Variants in PRIM2 observed in about 807,000 individuals in gnomAD.
PRIM2 encodes the protein DNA primase large subunit.
Under a neutral mutation model 67.3 loss-of-function variants are expected in PRIM2, and 39 were observed. The observed-to-expected ratio is 0.58, with a 90% CI of 0.45 to 0.76. PRIM2 has a LOEUF of 0.76. Ranked by LOEUF, PRIM2 falls within the 30% of genes least tolerant of loss-of-function variation. The probability of loss-of-function intolerance (pLI) is 0.00; values close to 1 mark genes in which losing one functional copy is unlikely to be tolerated. For synonymous variants in PRIM2, 143 were observed against 198.7 expected (o/e 0.72, Z 2.36); for missense variants, 398 against 598.7 (o/e 0.66, Z 3.50).
chr6:57,355,204 TGA>T (rs1373115053), intron 5 of PRIM2, among the ~76,000 whole-genome samples: 3 of 150,982 alleles, frequency 2.0e-5, no homozygotes, highest in Non-Finnish European at 4.4e-5. Flanking sequence ...CTCGGGAGGC[TGA>T]GGCAAGAGAA....
chr6:57,475,318 C>T (rs2127403467), intron 7 of PRIM2, among the ~76,000 whole-genome samples: 2 of 152,280 alleles, frequency 1.3e-5, no homozygotes, highest in East Asian at 3.9e-4. Context: ...AAAACATTTT[C>T]ATCATCCCCA....
At chr6:57,392,832 A>G (rs1323435057) in intron 7 of PRIM2, among the ~76,000 whole-genome samples, 6 of 152,036 alleles carry the variant, frequency 3.9e-5, no homozygotes, top group African/African-American at 2.4e-5. Flanking sequence ...TGTCCATTGT[A>G]TCATTCTTAT....
At chr6:57,578,862 G>A (rs1201115200) in intron 10 of PRIM2, among the ~76,000 whole-genome samples, 2 of 151,508 alleles carry the variant, frequency 1.3e-5, no homozygotes, top group East Asian at 3.9e-4. Context: ...ATTTTTAGTA[G>A]AGACGGGGTT....
chr6:57,532,523 G>A, intron 9 of PRIM2, 40 bp downstream of exon 9: 1 of 987,412 alleles, frequency 1.0e-6, no homozygotes, highest in Non-Finnish European at 1.5e-6. Flanking sequence ...CTTTATCAAT[G>A]GAGGGAACAT....
intron 4 of PRIM2, among the ~76,000 whole-genome samples, chr6:57,325,403 T>TGATC (rs1767814561): frequency 6.6e-6 from 1 of 150,966 alleles, no homozygotes; most frequent in African/African-American, 2.4e-5. Flanking sequence ...TGGGCTCAGG[T>TGATC]GATCCTCCCA....
chr6:57,258,262 A>G, the PRIM2 span, among the ~76,000 whole-genome samples: 1 of 152,026 alleles, frequency 6.6e-6, no homozygotes, highest in Non-Finnish European at 1.5e-5. Context: ...CTTTAGAACC[A>G]TGGCTTGAAC....
chr6:57,296,035 A>T, the PRIM2 span, among the ~76,000 whole-genome samples: 1 of 152,148 alleles, frequency 6.6e-6, no homozygotes, highest in African/African-American at 2.4e-5. Flanking sequence ...AACCAACAGG[A>T]TGGGTGGGGA....
At chr6:57,463,478 C>T (rs374358884) in intron 7 of PRIM2, among the ~76,000 whole-genome samples, 3 of 152,188 alleles carry the variant, frequency 2.0e-5, no homozygotes, top group Admixed American at 6.5e-5. Context: ...GGTGACAGAG[C>T]GAGCCCCTAT....
At chr6:57,572,411 C>T (rs1383928223) in intron 10 of PRIM2, among the ~76,000 whole-genome samples, 1 of 152,090 alleles carries the variant, frequency 6.6e-6, no homozygotes, top group Non-Finnish European at 1.5e-5. Flanking sequence ...CTTTCCTTTG[C>T]ACGTTGTGTC....
chr6:57,228,287 T>C, the PRIM2 span, among the ~76,000 whole-genome samples: 2 of 152,250 alleles, frequency 1.3e-5, no homozygotes, highest in Non-Finnish European at 2.9e-5. Flanking sequence ...AGAGCTTCCA[T>C]GTGCATCAGG....
chr6:57,444,591 A>G (rs1036049574), intron 7 of PRIM2, among the ~76,000 whole-genome samples: 5 of 151,602 alleles, frequency 3.3e-5, no homozygotes, highest in African/African-American at 1.2e-4. Flanking sequence ...AAATTATGGT[A>G]TTATAATGTC....
At chr6:57,500,429 C>T (rs1774108171) in intron 7 of PRIM2, among the ~76,000 whole-genome samples, 1 of 152,120 alleles carries the variant, frequency 6.6e-6, no homozygotes, top group African/African-American at 2.4e-5. Context: ...TATTGTCAAC[C>T]TAAAATAATC....
chr6:57,315,435 CTA>C (rs201321980), upstream of PRIM2, among the ~76,000 whole-genome samples: 24 of 152,288 alleles, frequency 1.6e-4, no homozygotes, highest in East Asian at 4.6e-3. Flanking sequence ...ATTTAAAGAA[CTA>C]CACCATATGG....
At chr6:57,384,026 T>G (rs1288006918) in intron 7 of PRIM2, among the ~76,000 whole-genome samples, 2 of 152,230 alleles carry the variant, frequency 1.3e-5, no homozygotes, top group Non-Finnish European at 2.9e-5. Context: ...GTCTAGATTA[T>G]AGTATGGACT....
At chr6:57,515,028 A>G (rs1273483889) in intron 8 of PRIM2, among the ~76,000 whole-genome samples, 1 of 152,230 alleles carries the variant, frequency 6.6e-6, no homozygotes, top group Non-Finnish European at 1.5e-5. Context: ...GTCACAATAT[A>G]TAAAATCATC....
the PRIM2 span, among the ~76,000 whole-genome samples, chr6:57,290,781 T>C: frequency 1.3e-5 from 2 of 152,020 alleles, no homozygotes; most frequent in Non-Finnish European, 2.9e-5. Context: ...AAGGCAGAAA[T>C]AAAGATGTTC....
chr6:57,392,480 G>C (rs950643346), intron 7 of PRIM2, among the ~76,000 whole-genome samples: 7 of 151,768 alleles, frequency 4.6e-5, no homozygotes, highest in Non-Finnish European at 7.4e-5. Context: ...TTTTGCAATA[G>C]CCAAAAATTT....
At chr6:57,481,945 AGAGATAAG>A (rs1327309557) in intron 7 of PRIM2, among the ~76,000 whole-genome samples, 1 of 152,204 alleles carries the variant, frequency 6.6e-6, no homozygotes, top group Non-Finnish European at 1.5e-5. Context: ...GAGAGAAATA[AGAGATAAG>A]GAGGTTAGGT....
chr6:57,412,717 A>G (rs1236841280), intron 7 of PRIM2, among the ~76,000 whole-genome samples: 1 of 152,092 alleles, frequency 6.6e-6, no homozygotes, highest in African/African-American at 2.4e-5. Flanking sequence ...GAAAAGTTTT[A>G]GACAAGTCAC....
Sources: allele counts gnomAD v4.1 joint callset (sites outside exome capture counted in the v4.1 genomes callset), GRCh38; gene constraint gnomAD v4.1.1; transcripts MANE v1.5; gene names NCBI Gene and HGNC (gene_info 2026-07-23, HGNC 2026-07-21).